Variants in IFT43 observed in about 807,000 individuals in gnomAD.
IFT43 encodes the protein intraflagellar transport 43.
Under a neutral mutation model 32.3 loss-of-function variants are expected in IFT43, and 33 were observed. The ratio of observed to expected loss-of-function variants is 1.02; its 90% confidence interval spans 0.77 to 1.37. The LOEUF is 1.37. IFT43 is among the 40% of genes most tolerant of loss of function. The pLI, the probability that IFT43 is intolerant of heterozygous loss-of-function variation, is 0.00. For synonymous variants in IFT43, 93 were observed against 98.2 expected (o/e 0.95, Z 0.31); for missense variants, 274 against 265.9 (o/e 1.03, Z -0.21).
chr14:76,030,254 A>G (rs1203563994), intron 3 of IFT43, among the ~76,000 whole-genome samples: 1 of 152,000 alleles, frequency 6.6e-6, no homozygotes, highest in Non-Finnish European at 1.5e-5. Context: ...CTATAATACT[A>G]ATGATTATTA....
At chr14:76,002,356 T>A (rs1297107631) in intron 2 of IFT43, among the ~76,000 whole-genome samples, 1 of 53,330 alleles carries the variant, frequency 1.9e-5, no homozygotes, top group Non-Finnish European at 4.0e-5. Flanking sequence ...GGAAGTGTGG[T>A]AAAAAGGTAA....
At chr14:76,001,400 T>C (rs1346085848) in intron 2 of IFT43, among the ~76,000 whole-genome samples, 4 of 152,222 alleles carry the variant, frequency 2.6e-5, no homozygotes, top group Non-Finnish European at 5.9e-5. Flanking sequence ...TGACTCCTGA[T>C]TGGAACCTAG....
At chr14:76,029,523 A>G (rs1266584760) in intron 3 of IFT43, among the ~76,000 whole-genome samples, 2 of 152,142 alleles carry the variant, frequency 1.3e-5, no homozygotes, top group Non-Finnish European at 2.9e-5. Context: ...ACTTGGTTAT[A>G]AATTCTTTGC....
intron 3 of IFT43, among the ~76,000 whole-genome samples, chr14:76,026,055 CA>C (rs2036387280): frequency 6.6e-6 from 1 of 151,814 alleles, no homozygotes. Context: ...ATGCATCTGA[CA>C]AAAGTGTAGT....
At chr14:76,049,537 A>C (rs1328620343) in intron 3 of IFT43, among the ~76,000 whole-genome samples, 1 of 152,184 alleles carries the variant, frequency 6.6e-6, no homozygotes, top group Non-Finnish European at 1.5e-5. Flanking sequence ...CTTTTAAAAA[A>C]AATGTATTAA....
chr14:76,073,900 G>C (rs577840339), intron 5 of IFT43, among the ~76,000 whole-genome samples: 1 of 152,090 alleles, frequency 6.6e-6, no homozygotes, highest in African/African-American at 2.4e-5. Flanking sequence ...GCGAGCAGCA[G>C]TAAGACTCCT....
intron 5 of IFT43, among the ~76,000 whole-genome samples, chr14:76,061,498 T>A (rs2037134400): frequency 6.6e-6 from 1 of 152,220 alleles, no homozygotes; most frequent in Non-Finnish European, 1.5e-5. Flanking sequence ...TGAGGCTTGG[T>A]GTTTTTTGTT....
chr14:76,025,778 C>T (rs1452116086), intron 3 of IFT43, among the ~76,000 whole-genome samples: 1 of 152,162 alleles, frequency 6.6e-6, no homozygotes, highest in Non-Finnish European at 1.5e-5. Flanking sequence ...CCTTTCTTTA[C>T]ACTATGTACA....
chr14:75,987,616 G>T (rs544107041), intron 1 of IFT43, among the ~76,000 whole-genome samples: 4 of 152,258 alleles, frequency 2.6e-5, no homozygotes, highest in Admixed American at 1.3e-4. Context: ...GAGAATCAAA[G>T]GAAGCCACAT....
intron 2 of IFT43, among the ~76,000 whole-genome samples, chr14:75,991,390 T>TGTGTGTGTGTATATTAACAA (rs1343687950): frequency 5.0e-5 from 1 of 20,144 alleles, no homozygotes; most frequent in African/African-American, 1.6e-4. Context: ...TTAACAAGAG[T>TGTGTGTGTGTATATTAACAA]GTGTGTGTGT....
At chr14:76,027,333 A>ACCCCCCCC (rs56836132) in intron 3 of IFT43, among the ~76,000 whole-genome samples, 1 of 124,530 alleles carries the variant, frequency 8.0e-6, no homozygotes, top group Non-Finnish European at 1.6e-5. Context: ...CTTCCCCAAC[A>ACCCCCCCC]CCCCCCACAC....
At chr14:76,023,588 A>G (rs947056654) in intron 3 of IFT43, among the ~76,000 whole-genome samples, 12 of 152,224 alleles carry the variant, frequency 7.9e-5, no homozygotes, top group Non-Finnish European at 1.5e-4. Context: ...GATGTTGGCT[A>G]TTATCATGAT....
intron 1 of IFT43, among the ~76,000 whole-genome samples, chr14:75,987,110 C>G (rs533996326): frequency 6.6e-6 from 1 of 152,240 alleles, no homozygotes; most frequent in Admixed American, 6.5e-5. Flanking sequence ...AGTTTAAAAC[C>G]TTGAAATACT....
chr14:76,067,532 C>T (rs1240402218), intron 5 of IFT43, among the ~76,000 whole-genome samples: 1 of 151,576 alleles, frequency 6.6e-6, no homozygotes, highest in South Asian at 2.1e-4. Flanking sequence ...ATCGCACTAC[C>T]GCACTCACCA....
At chr14:75,993,240 A>G (rs1220656555) in intron 2 of IFT43, among the ~76,000 whole-genome samples, 1 of 152,194 alleles carries the variant, frequency 6.6e-6, no homozygotes, top group Non-Finnish European at 1.5e-5. Context: ...TGATCCATAC[A>G]GGGTTAAGAA....
At chr14:76,083,098 T>C in intron 7 of IFT43, 129 bp from the exon 8 acceptor site, 1 of 913,210 alleles carries the variant, frequency 1.1e-6, no homozygotes, top group Non-Finnish European at 1.8e-6. Context: ...TACTCTCTTG[T>C]GAAGGCATTC....
At chr14:76,055,338 C>A (rs2036991803) in intron 3 of IFT43, among the ~76,000 whole-genome samples, 1 of 150,612 alleles carries the variant, frequency 6.6e-6, no homozygotes, top group Admixed American at 6.6e-5. Context: ...AGAGTGAGAC[C>A]CTGTCTCTAA....
At chr14:76,034,548 T>G (rs1377732979) in intron 3 of IFT43, among the ~76,000 whole-genome samples, 3 of 152,232 alleles carry the variant, frequency 2.0e-5, no homozygotes, top group African/African-American at 7.2e-5. Flanking sequence ...TAGGTATCCC[T>G]GTGCAAAGAA....
intron 2 of IFT43, among the ~76,000 whole-genome samples, chr14:76,006,864 T>TC (rs2035989605): frequency 6.7e-6 from 1 of 150,012 alleles, no homozygotes; most frequent in African/African-American, 2.5e-5. Flanking sequence ...CATTTTTTTT[T>TC]TTTTTTTTTT....
Sources: allele counts gnomAD v4.1 joint callset (sites outside exome capture counted in the v4.1 genomes callset), GRCh38; gene constraint gnomAD v4.1.1; transcripts MANE v1.5; gene names NCBI Gene and HGNC (gene_info 2026-07-23, HGNC 2026-07-21).